Variants in NLGN1 observed in about 807,000 individuals in gnomAD.
The protein encoded by NLGN1 is neuroligin-1.
Under a neutral mutation model 65.5 loss-of-function variants are expected in NLGN1, and 12 were observed. The ratio of observed to expected loss-of-function variants is 0.18; its 90% confidence interval spans 0.12 to 0.30. The LOEUF is 0.30. NLGN1 is among the 10% of genes least tolerant of loss of function. The pLI, the probability that NLGN1 is intolerant of heterozygous loss-of-function variation, is 1.00. For missense variants in NLGN1, 750 were observed against 1,007.1 expected (o/e 0.74, Z 3.46); for synonymous variants, 350 against 359.5 (o/e 0.97, Z 0.30).
chr3:173,415,943 A>AGAGAGAGCGCGCGCGC (rs141095727), intron 1 of NLGN1, among the ~76,000 whole-genome samples: 1 of 142,826 alleles, frequency 7.0e-6, no homozygotes, highest in African/African-American at 2.8e-5. Flanking sequence ...AGAGAGAGAG[A>AGAGAGAGCGCGCGCGC]GCTTGGTATA....
chr3:173,720,983 G>T (rs1770739783), intron 3 of NLGN1, among the ~76,000 whole-genome samples: 1 of 152,172 alleles, frequency 6.6e-6, no homozygotes, highest in Non-Finnish European at 1.5e-5. Context: ...AGCTGATCAG[G>T]CAAAAAGTCA....
intron 2 of NLGN1, among the ~76,000 whole-genome samples, chr3:173,565,828 G>C (rs1743562747): frequency 6.6e-6 from 1 of 151,522 alleles, no homozygotes; most frequent in African/African-American, 2.4e-5. Flanking sequence ...GCAGATATTA[G>C]AATGAAAATT....
At chr3:173,863,607 A>G (rs930795145) in intron 4 of NLGN1, among the ~76,000 whole-genome samples, 1 of 152,208 alleles carries the variant, frequency 6.6e-6, no homozygotes, top group Non-Finnish European at 1.5e-5. Context: ...CAGAATGAGG[A>G]AAAAGGAGGA....
chr3:174,086,008 G>C (rs1051525846), intron 4 of NLGN1, among the ~76,000 whole-genome samples: 1 of 151,638 alleles, frequency 6.6e-6, no homozygotes, highest in Non-Finnish European at 1.5e-5. Flanking sequence ...ACAAATTTTT[G>C]GATAAAATCA....
At chr3:173,652,054 A>G (rs1759276854) in intron 3 of NLGN1, among the ~76,000 whole-genome samples, 1 of 152,106 alleles carries the variant, frequency 6.6e-6, no homozygotes, top group Non-Finnish European at 1.5e-5. Flanking sequence ...TCAGCCTCCC[A>G]ATGTGCTGGC....
At chr3:174,159,095 T>C (rs909836655) in intron 4 of NLGN1, among the ~76,000 whole-genome samples, 7 of 151,728 alleles carry the variant, frequency 4.6e-5, no homozygotes, top group Non-Finnish European at 1.0e-4. Context: ...CAGGCTGCTA[T>C]TCATCCAGTA....
intron 3 of NLGN1, among the ~76,000 whole-genome samples, chr3:173,726,054 C>G (rs1036060842): frequency 3.1e-4 from 47 of 152,166 alleles, no homozygotes; most frequent in African/African-American, 9.9e-4. Flanking sequence ...AACCCACCAC[C>G]TTTGTCATAG....
intron 4 of NLGN1, among the ~76,000 whole-genome samples, chr3:174,198,757 G>A (rs1733900101): frequency 6.6e-6 from 1 of 150,956 alleles, no homozygotes; most frequent in African/African-American, 2.4e-5. Flanking sequence ...ATTTATCTGA[G>A]TGCCCACACT....
intron 4 of NLGN1, among the ~76,000 whole-genome samples, chr3:173,846,302 A>G (rs1356951805): frequency 6.6e-6 from 1 of 152,210 alleles, no homozygotes; most frequent in African/African-American, 2.4e-5. Flanking sequence ...TCTCAGGCCT[A>G]CAAGGTCTCA....
chr3:173,416,744 G>A (rs753237758), intron 1 of NLGN1, among the ~76,000 whole-genome samples: 26 of 152,090 alleles, frequency 1.7e-4, no homozygotes, highest in Middle Eastern at 3.2e-3. Flanking sequence ...AATAATATTT[G>A]TATTCTTTAG....
chr3:173,494,398 T>C (rs1310671575), intron 2 of NLGN1, among the ~76,000 whole-genome samples: 1 of 151,698 alleles, frequency 6.6e-6, no homozygotes. Flanking sequence ...GTTATCTTTT[T>C]ATTATTGAGT....
At chr3:173,501,018 G>A (rs936167981) in intron 2 of NLGN1, among the ~76,000 whole-genome samples, 5 of 152,094 alleles carry the variant, frequency 3.3e-5, no homozygotes, top group South Asian at 2.1e-4. Context: ...TCAAATGACC[G>A]TGTTAGTATC....
intron 2 of NLGN1, among the ~76,000 whole-genome samples, chr3:173,597,879 C>T (rs1047473048): frequency 2.0e-5 from 3 of 152,056 alleles, no homozygotes; most frequent in African/African-American, 7.2e-5. Context: ...TTCCCAGCTA[C>T]TAAAATGGGC....
chr3:174,007,663 G>A (rs944886121), intron 4 of NLGN1, among the ~76,000 whole-genome samples: 11 of 152,190 alleles, frequency 7.2e-5, no homozygotes, highest in African/African-American at 2.7e-4. Flanking sequence ...GACTGCACTG[G>A]ATGAAATAAG....
intron 4 of NLGN1, among the ~76,000 whole-genome samples, chr3:174,049,203 G>A (rs950788957): frequency 6.6e-6 from 1 of 152,086 alleles, no homozygotes. Flanking sequence ...TAGTAACTAT[G>A]TTGGTCACAT....
chr3:174,185,254 T>C (rs1027162249), intron 4 of NLGN1, among the ~76,000 whole-genome samples: 1 of 152,112 alleles, frequency 6.6e-6, no homozygotes, highest in African/African-American at 2.4e-5. Flanking sequence ...ATATCAATAA[T>C]TGCATGTAAT....
chr3:174,011,740 AGGT>A (rs1460584745), intron 4 of NLGN1, among the ~76,000 whole-genome samples: 1 of 152,158 alleles, frequency 6.6e-6, no homozygotes, highest in Non-Finnish European at 1.5e-5. Flanking sequence ...GTTATTGTAA[AGGT>A]GAAATAAAAC....
chr3:173,852,396 G>A (rs1017529216), intron 4 of NLGN1, among the ~76,000 whole-genome samples: 19 of 130,466 alleles, frequency 1.5e-4, no homozygotes, highest in African/African-American at 5.1e-4. Context: ...AAAGTAAGTG[G>A]TTATTTAGAT....
intron 3 of NLGN1, among the ~76,000 whole-genome samples, chr3:173,753,723 T>C (rs992235846): frequency 2.6e-5 from 4 of 151,936 alleles, no homozygotes; most frequent in African/African-American, 9.7e-5. Flanking sequence ...TCATCCAGAA[T>C]AACAGCCAAA....
Sources: gnomAD v4.1 joint callset for allele counts (sites outside exome capture counted in the v4.1 genomes callset) on GRCh38, gnomAD v4.1.1 for gene constraint, MANE v1.5 for transcripts, NCBI Gene and HGNC (gene_info 2026-07-23, HGNC 2026-07-21) for gene names.